The following GRID2 variants were observed in gnomAD, a reference collection of about 807,000 sequenced individuals.
The protein encoded by GRID2 is glutamate receptor ionotropic, delta-2.
In GRID2, 33 loss-of-function variants were observed where a neutral mutation model predicts 114.8. That is an observed-to-expected ratio of 0.29 (90% CI 0.22 to 0.38). The LOEUF is 0.38. Among genes scored for constraint, GRID2 ranks in the 10% least tolerant of loss-of-function variants. The pLI is 1.00. For synonymous variants in GRID2, 505 were observed against 449.9 expected, an observed-to-expected ratio of 1.12 and a Z score of -1.55; for missense variants, 1,184 against 1,257.7, an observed-to-expected ratio of 0.94 and a Z score of 0.89.
At chr4:93,522,388 G>A (rs1431605862) in intron 13 of GRID2, among the ~76,000 whole-genome samples, 4 of 152,028 alleles carry the variant, frequency 2.6e-5, no homozygotes, top group South Asian at 2.1e-4. Context: ...GTTTGTAATC[G>A]GTGGTCATGA....
At chr4:92,819,269 C>T (rs1741112866) in intron 2 of GRID2, among the ~76,000 whole-genome samples, 1 of 152,072 alleles carries the variant, frequency 6.6e-6, no homozygotes. Flanking sequence ...GCTCAGACAT[C>T]ATCACAAATC....
rs575392847 is a variant in GRID2 at position 92,535,930 on chromosome 4, G to A, written c.89-54201G>A. Reference sequence around the variant, plus strand: ...CGCATCTGGACTTGTTCTCCTCCTGGTGGGTTCATGGTCTCACTGGCTTCA... The same window carrying A: ...CGCATCTGGACTTGTTCTCCTCCTGATGGGTTCATGGTCTCACTGGCTTCA... On this transcript the variant is annotated intron_variant, in intron 1 of 15. Transcript: ENST00000282020. Among the ~76,000 whole-genome samples, 13 of 152,244 alleles carry A rather than the reference G, an allele frequency of 8.5e-5. No homozygotes were observed. The South Asian group carries it at 2.7e-3, about 32-fold the overall frequency.
chr4:93,456,581 C>T (rs774891863), intron 11 of GRID2, among the ~76,000 whole-genome samples: 15 of 152,092 alleles, frequency 9.9e-5, no homozygotes, highest in Non-Finnish European at 2.1e-4. Context: ...TTAAACTTGT[C>T]CAATTAATTA....
chr4:93,119,389 A>G (rs1043184925), intron 4 of GRID2, among the ~76,000 whole-genome samples: 5 of 152,192 alleles, frequency 3.3e-5, no homozygotes, highest in African/African-American at 1.2e-4. Context: ...TGTGTACATT[A>G]TAGTCTTTCC....
At chr4:93,311,732 G>T (rs1435945877) in intron 8 of GRID2, among the ~76,000 whole-genome samples, 1 of 152,154 alleles carries the variant, frequency 6.6e-6, no homozygotes, top group Non-Finnish European at 1.5e-5. Context: ...GAACAGGAGA[G>T]GGTAAGGAGG....
intron 8 of GRID2, among the ~76,000 whole-genome samples, chr4:93,337,169 G>A (rs1437607912): frequency 1.3e-5 from 2 of 152,126 alleles, no homozygotes; most frequent in East Asian, 1.9e-4. Flanking sequence ...AGATAAACAC[G>A]AAGAAAGTAA....
chr4:92,558,654 G>A (rs556192304), intron 1 of GRID2, among the ~76,000 whole-genome samples: 6 of 151,778 alleles, frequency 4.0e-5, no homozygotes, highest in African/African-American at 1.4e-4. Context: ...TCTTTGTTTT[G>A]TTGTGCTTTT....
chr4:92,433,793 C>T (rs1732594869), intron 1 of GRID2, among the ~76,000 whole-genome samples: 1 of 152,178 alleles, frequency 6.6e-6, no homozygotes, highest in Non-Finnish European at 1.5e-5. Flanking sequence ...AGCCATCTTG[C>T]TCTACCTACC....
intron 2 of GRID2, among the ~76,000 whole-genome samples, chr4:92,656,067 A>G (rs746681695): frequency 2.0e-5 from 3 of 151,552 alleles, no homozygotes; most frequent in Non-Finnish European, 4.4e-5. Context: ...TGAACATTTT[A>G]TCTTGCAGAG....
intron 2 of GRID2, among the ~76,000 whole-genome samples, chr4:92,907,476 A>G (rs1035898753): frequency 1.3e-5 from 2 of 152,022 alleles, no homozygotes; most frequent in Non-Finnish European, 2.9e-5. Context: ...CAATGGCGCG[A>G]TCTTGGCTCA....
intron 13 of GRID2, among the ~76,000 whole-genome samples, chr4:93,524,353 C>A (rs1255199924): frequency 6.6e-6 from 1 of 152,098 alleles, no homozygotes; most frequent in African/African-American, 2.4e-5. Context: ...TCCGATACCA[C>A]TGGCATATTT....
chr4:93,403,804 A>C (rs1394411122), intron 9 of GRID2, among the ~76,000 whole-genome samples: 1 of 152,196 alleles, frequency 6.6e-6, no homozygotes, highest in Admixed American at 6.6e-5. Flanking sequence ...CGACTCCTTC[A>C]GAAAACAGTC....
At chr4:93,209,618 T>C (rs1471386361) in intron 5 of GRID2, among the ~76,000 whole-genome samples, 2 of 152,142 alleles carry the variant, frequency 1.3e-5, no homozygotes, top group African/African-American at 2.4e-5. Flanking sequence ...TACCCAGTAA[T>C]GGGATTGCTG....
chr4:92,935,195 A>C (rs1469984885), intron 2 of GRID2, among the ~76,000 whole-genome samples: 1 of 146,326 alleles, frequency 6.8e-6, no homozygotes, highest in African/African-American at 2.4e-5. Context: ...TTTACAAGAA[A>C]AAAACAACCC....
chr4:92,337,947 C>T (rs1161802423), intron 1 of GRID2, among the ~76,000 whole-genome samples: 2 of 152,046 alleles, frequency 1.3e-5, no homozygotes, highest in Non-Finnish European at 2.9e-5. Context: ...GAACTGCCTG[C>T]GTGTGTGCAT....
intron 2 of GRID2, among the ~76,000 whole-genome samples, chr4:92,687,823 C>T (rs1411109689): frequency 6.6e-6 from 1 of 151,448 alleles, no homozygotes. Flanking sequence ...AGCAAGACTC[C>T]CTCTCAAAAA....
At chr4:93,389,344 A>G (rs1764626867) in intron 8 of GRID2, among the ~76,000 whole-genome samples, 2 of 152,192 alleles carry the variant, frequency 1.3e-5, no homozygotes, top group African/African-American at 4.8e-5. Context: ...TCTGATAGAA[A>G]AGGAAAGCTA....
intron 8 of GRID2, among the ~76,000 whole-genome samples, chr4:93,385,477 TAA>T (rs1469444651): frequency 6.6e-6 from 1 of 152,128 alleles, no homozygotes; most frequent in Non-Finnish European, 1.5e-5. Flanking sequence ...TTGAGAAAAA[TAA>T]GAGCCATTTA....
At chr4:93,394,957 A>G (rs1053958123) in intron 8 of GRID2, among the ~76,000 whole-genome samples, 4 of 152,044 alleles carry the variant, frequency 2.6e-5, no homozygotes, top group African/African-American at 9.6e-5. Context: ...TAAGACCTAT[A>G]TAACAGCATA....
Sources: allele counts gnomAD v4.1 joint callset (sites outside exome capture counted in the v4.1 genomes callset), GRCh38; gene constraint gnomAD v4.1.1; transcripts MANE v1.5; gene names NCBI Gene and HGNC (gene_info 2026-07-23, HGNC 2026-07-21).